The following CHRND variants were observed in gnomAD, a reference collection of about 807,000 sequenced individuals.
CHRND encodes the protein cholinergic receptor nicotinic delta subunit.
CHRND carries 40 observed loss-of-function variants against 57.8 expected under a neutral mutation model. The observed-to-expected ratio is 0.69, with a 90% confidence interval of 0.54 to 0.90. The LOEUF (loss-of-function observed/expected upper bound fraction) is 0.90. Among genes scored for constraint, CHRND ranks in the 40% least tolerant of loss-of-function variants. The probability of loss-of-function intolerance (pLI) is 0.00; values close to 1 mark genes in which losing one functional copy is unlikely to be tolerated. For missense variants in CHRND, 634 were observed against 673.9 expected (o/e 0.94, Z 0.66); for synonymous variants, 237 against 270.6 (o/e 0.88, Z 1.22).
chr2:232,527,313 A>AGAGT, intron 2 of CHRND, 88 bp from the exon 3 acceptor site: 1 of 1,063,866 alleles, frequency 9.4e-7, no homozygotes, highest in Non-Finnish European at 1.4e-6. Flanking sequence ...AAAAAAAAAG[A>AGAGT]GAGAGAGAGA....
At chr2:232,530,983 G>A (rs1406486715) in intron 7 of CHRND, among the ~76,000 whole-genome samples, 4 of 152,294 alleles carry the variant, frequency 2.6e-5, no homozygotes, top group South Asian at 2.1e-4. Flanking sequence ...AGTAACGCAC[G>A]CAGGTCTGTG....
In CHRND at chr2:232,536,542, C is replaced by T. The variant is rs1691898224; in HGVS notation, c.*1230C>T. 1 of 442,464 alleles carries T rather than the reference C, an allele frequency of 2.3e-6. No homozygotes were observed. Among genetic ancestry groups the T allele is most frequent in the Non-Finnish European group, 4.6e-6 (1 of 219,356 alleles). The allele number at this position is 442,464 out of a possible 1,614,324, so 27.4% of individuals were successfully genotyped here. A position where few individuals can be genotyped will look rare whatever the true frequency, so the allele number is the denominator to read the frequency against. ...TAGGGCCTTCGGATGAGATCACAGCCCAGTAGACATCTTATGTGCAGCCCC... is the reference window on the plus strand; with the variant it reads ...TAGGGCCTTCGGATGAGATCACAGCTCAGTAGACATCTTATGTGCAGCCCC... On this transcript the variant is annotated 3_prime_UTR_variant, in exon 12 of 12. Transcript: ENST00000258385.
In CHRND at chr2:232,536,023, T is replaced by G. The variant is rs1415015499; in HGVS notation, c.*711T>G. 1.1e-5 allele frequency: 5 copies of G among 454,020 alleles called. No individual in the cohort carries two copies. Among genetic ancestry groups the G allele is most frequent in the Non-Finnish European group, 2.2e-5 (5 of 226,810 alleles). The allele number at this position is 454,020 out of a possible 1,614,324, so 28.1% of individuals were successfully genotyped here. On this transcript the variant is annotated 3_prime_UTR_variant, in exon 12 of 12. Coordinates refer to ENST00000258385, the MANE Select transcript of CHRND (RefSeq NM_000751.3). ...CTCTCCAAATTAGGGTTGTCATGCA[T>G]TATTTGGGGCATACATATTCTAAAA... is the stretch of plus-strand genomic sequence containing the variant.
chr2:232,531,926 A>AAGAG, intron 9 of CHRND, among the ~76,000 whole-genome samples: 1 of 138,834 alleles, frequency 7.2e-6, no homozygotes, highest in East Asian at 2.3e-4. Context: ...CAGCCTGGGC[A>AAGAG]ACAGAGTGAG....
At chr2:232,532,107 T>C (rs578107095) in intron 9 of CHRND, among the ~76,000 whole-genome samples, 1 of 151,496 alleles carries the variant, frequency 6.6e-6, no homozygotes, top group East Asian at 1.9e-4. Context: ...TGCAATGTAC[T>C]ATGATCACAG....
At chr2:232,529,116 CAG>C (rs1256589103) in intron 6 of CHRND, 145 bp downstream of exon 6, 1 of 694,200 alleles carries the variant, frequency 1.4e-6, no homozygotes, top group East Asian at 2.7e-5. Flanking sequence ...CAGCTAGACA[CAG>C]AAGGGCAGAC....
chr2:232,526,421 T>C, intron 1 of CHRND, 108 bp from the exon 2 acceptor site: 1 of 1,572,126 alleles, frequency 6.4e-7, no homozygotes, highest in Non-Finnish European at 8.7e-7. Context: ...GTGGTTGGGT[T>C]CCCCCCTGCT....
rs1001165106 is a variant in CHRND, at chr2:232,526,628, G to A, written c.152G>A (p.Ser51Asn). The A allele has an allele frequency of 6.2e-7, 1 of 1,613,784 alleles. No individual in the cohort carries two copies. The highest frequency in any genetic ancestry group is 1.3e-5 in the African/African-American group (1 of 75,058). The change falls in exon 2 of 12, where the codon AGT becomes AAT. Residue 51 changes from serine (S) to asparagine (N), a missense_variant. Physicochemically the swap from Ser to Asn is conservative, Grantham distance 46 (BLOSUM62 1). Coordinates refer to ENST00000258385, the MANE Select transcript of CHRND (RefSeq NM_000751.3). The part of the protein sequence containing the change: ...ELRPVAHKEE[S>N]VDVALALTLS... ...CGGCCCGTGGCACACAAAGAGGAGA[G>A]TGTGGACGTTGCCCTGGCCCTCACA...
chr2:232,532,433 A>G (rs1452328991), intron 9 of CHRND, among the ~76,000 whole-genome samples: 1 of 142,432 alleles, frequency 7.0e-6, no homozygotes, highest in Non-Finnish European at 1.5e-5. Flanking sequence ...TCACCACTGC[A>G]CTCCAGCCTG....
Position 232,527,436 on chromosome 2 carries a change from G to A in CHRND, c.234G>A (p.Trp78Ter), listed in dbSNP as rs121909505. 6 of 1,613,228 alleles carry A rather than the reference G, an allele frequency of 3.7e-6. No homozygotes were observed. The highest frequency in any genetic ancestry group is 1.3e-5 in the African/African-American group (1 of 74,852). ...EVEETLTTNV[W>*]IEHGWTDNRL... ...AGGAGACCCTCACTACCAATGTGTG[G>A]ATAGAGCACGTAAGAATGCCCCTCC... The change falls in exon 3 of 12, where the codon TGG becomes TGA. Residue 78 changes from tryptophan to a stop codon, truncating the protein, a stop_gained. Transcript: ENST00000258385. LOFTEE classifies it high-confidence loss of function.
chr2:232,531,502 G>A, intron 8 of CHRND, 39 bp downstream of exon 8: 1 of 1,613,634 alleles, frequency 6.2e-7, no homozygotes. Context: ...CTGCTTGCCA[G>A]CCCAGCCCTG....
Position 232,528,612 on chromosome 2 carries a change from C to A in CHRND, c.465C>A (p.Val155=). The change falls in exon 5 of 12, where the codon GTC becomes GTA. Residue 155 remains valine (V), a synonymous_variant. Transcript: ENST00000258385. ...AIFRSSCPIS[V]TYFPFDWQNC... is the part of the protein sequence containing the mutation. ...TCCGCTCCTCCTGCCCCATCTCTGT[C>A]ACCTATTTCCCCTTCGACTGGCAGA... The A allele has an allele frequency of 1.2e-6, 2 of 1,614,214 alleles. No individual in the cohort carries two copies. The highest frequency in any genetic ancestry group is 1.7e-6 in the Non-Finnish European group (2 of 1,180,036).
chr2:232,533,156 G>C (rs1691767288), intron 9 of CHRND, among the ~76,000 whole-genome samples: 1 of 152,148 alleles, frequency 6.6e-6, no homozygotes, highest in Admixed American at 6.5e-5. Flanking sequence ...AAGTAGCTGG[G>C]ATTACAGGCG....
rs200883397 is a variant in CHRND at position 232,528,657 on chromosome 2, G to T, written c.509+1G>T. 1 of 1,613,800 alleles carries T rather than the reference G, an allele frequency of 6.2e-7. No individual in the cohort carries two copies. Among genetic ancestry groups the T allele is most frequent in the Non-Finnish European group, 8.5e-7 (1 of 1,180,020 alleles). On this transcript the variant is annotated splice_donor_variant, in intron 5 of 11. Coordinates refer to ENST00000258385, the MANE Select transcript of CHRND (RefSeq NM_000751.3). LOFTEE classifies it high-confidence loss of function. ...GGCAGAACTGCTCCCTCAAGTTCAGGTGTGCCCTTTTCTCCAGCCACCCCT... is the reference window on the plus strand; with the variant it reads ...GGCAGAACTGCTCCCTCAAGTTCAGTTGTGCCCTTTTCTCCAGCCACCCCT...
intron 11 of CHRND, 63 bp downstream of exon 11, chr2:232,534,405 A>T (rs1691817096): frequency 6.6e-7 from 1 of 1,508,456 alleles, no homozygotes; most frequent in African/African-American, 1.4e-5. Flanking sequence ...AGTGTATTCT[A>T]TCTTAAGAGG....
intron 7 of CHRND, among the ~76,000 whole-genome samples, chr2:232,530,824 G>C (rs1318921794): frequency 6.6e-6 from 1 of 152,164 alleles, no homozygotes; most frequent in Middle Eastern, 3.2e-3. Context: ...ACCTCAGCAG[G>C]GGAGCCCCCC....
intron 3 of CHRND, 63 bp from the exon 4 acceptor site, chr2:232,528,199 T>C: frequency 2.7e-6 from 4 of 1,478,178 alleles, no homozygotes; most frequent in Non-Finnish European, 3.8e-6. Context: ...CTCAGGGAAG[T>C]GGGGGGAGCC....
Position 232,531,593 on chromosome 2 carries a change from C to G in CHRND, c.984C>G (p.Val328=), listed in dbSNP as rs763965619. ...TCACCATGGTTGTGGTGATCTGTGT[C>G]ATCGTGCTCAACATCCACTTCCGAA... ...VLVTMVVVIC[V]IVLNIHFRTP... The change falls in exon 9 of 12, where the codon GTC becomes GTG. Residue 328 remains valine (V), a synonymous_variant. Coordinates refer to ENST00000258385, the MANE Select transcript of CHRND (RefSeq NM_000751.3). The G allele has an allele frequency of 1.9e-6, 3 of 1,614,036 alleles. No homozygotes were observed. In the Admixed American group the frequency reaches 5.0e-5, roughly 27 times the overall value.
At chr2:232,529,349 A>T (rs1277110429) in intron 6 of CHRND, among the ~76,000 whole-genome samples, 1 of 152,082 alleles carries the variant, frequency 6.6e-6, no homozygotes, top group African/African-American at 2.4e-5. Context: ...TGTTATCCTG[A>T]TGGGGGTGTC....
Sources: allele counts gnomAD v4.1 joint callset (sites outside exome capture counted in the v4.1 genomes callset), GRCh38; gene constraint gnomAD v4.1.1; transcripts MANE v1.5; gene names NCBI Gene and HGNC (gene_info 2026-07-23, HGNC 2026-07-21).